The following SLC24A2 variants were observed in gnomAD, a reference collection of about 807,000 sequenced individuals.
SLC24A2 encodes the protein solute carrier family 24 member 2.
SLC24A2 carries 36 observed loss-of-function variants against 62.0 expected under a neutral mutation model. The observed-to-expected ratio is 0.58, with a 90% CI of 0.44 to 0.77. The LOEUF is 0.77. SLC24A2 is among the 30% of genes least tolerant of loss of function. The pLI, the probability that SLC24A2 is intolerant of heterozygous loss-of-function variation, is 0.00. For synonymous variants in SLC24A2, 358 were observed against 294.0 expected (o/e 1.22, Z -2.23); for missense variants, 846 against 817.9 (o/e 1.03, Z -0.42).
chr9:19,736,446 C>G (rs1471248516), intron 2 of SLC24A2, among the ~76,000 whole-genome samples: 2 of 152,042 alleles, frequency 1.3e-5, no homozygotes, highest in African/African-American at 2.4e-5. Flanking sequence ...GAAAATGTTG[C>G]AAGGATAGAA....
chr9:19,743,149 A>G (rs1269196350), intron 2 of SLC24A2, among the ~76,000 whole-genome samples: 1 of 152,198 alleles, frequency 6.6e-6, no homozygotes, highest in African/African-American at 2.4e-5. Context: ...TAAAAATTAA[A>G]AAGTAAAAAT....
At chr9:19,698,281 AC>A (rs1484907058) in intron 2 of SLC24A2, among the ~76,000 whole-genome samples, 2 of 142,770 alleles carry the variant, frequency 1.4e-5, no homozygotes, top group Non-Finnish European at 3.2e-5. Flanking sequence ...CAAAAAATTA[AC>A]AAAAATATTG....
chr9:19,584,857 A>G (rs1162574039), intron 5 of SLC24A2, among the ~76,000 whole-genome samples: 1 of 152,172 alleles, frequency 6.6e-6, no homozygotes, highest in Non-Finnish European at 1.5e-5. Flanking sequence ...GATGCAAACT[A>G]CTTATTACAG....
the SLC24A2 span, among the ~76,000 whole-genome samples, chr9:19,918,851 A>T: frequency 6.6e-6 from 1 of 152,282 alleles, no homozygotes; most frequent in Admixed American, 6.5e-5. Flanking sequence ...AAGAACTTCT[A>T]GGAAACCACC....
the SLC24A2 span, among the ~76,000 whole-genome samples, chr9:20,271,959 G>A: frequency 1.4e-5 from 2 of 144,332 alleles, no homozygotes; most frequent in Non-Finnish European, 3.0e-5. Context: ...CTGAGATGCT[G>A]CCCATCTGGA....
At chr9:20,051,657 C>CTCTCTTTTTTTT in the SLC24A2 span, among the ~76,000 whole-genome samples, 2 of 73,510 alleles carry the variant, frequency 2.7e-5, no homozygotes, top group East Asian at 3.6e-4. Flanking sequence ...TTTTCTTTCT[C>CTCTCTTTTTTTT]TTTTTTTTTT....
At chr9:19,893,857 G>A in the SLC24A2 span, among the ~76,000 whole-genome samples, 5 of 152,116 alleles carry the variant, frequency 3.3e-5, no homozygotes, top group Non-Finnish European at 2.9e-5. Context: ...TCTGCCATCC[G>A]CCACACAGGG....
chr9:20,023,984 G>C, the SLC24A2 span, among the ~76,000 whole-genome samples: 2 of 152,342 alleles, frequency 1.3e-5, no homozygotes, highest in South Asian at 2.1e-4. Context: ...AAAGAAGATA[G>C]AGCTGGTTAA....
chr9:20,020,332 C>A, the SLC24A2 span, among the ~76,000 whole-genome samples: 21 of 152,294 alleles, frequency 1.4e-4, no homozygotes, highest in African/African-American at 3.6e-4. Context: ...AAATGTCCAT[C>A]AATGATAGAC....
chr9:19,980,600 A>G, the SLC24A2 span, among the ~76,000 whole-genome samples: 1 of 152,208 alleles, frequency 6.6e-6, no homozygotes, highest in African/African-American at 2.4e-5. Flanking sequence ...GAGAATGTTT[A>G]ATATGAGGTG....
the SLC24A2 span, among the ~76,000 whole-genome samples, chr9:20,011,646 A>T: frequency 6.6e-6 from 1 of 152,346 alleles, no homozygotes; most frequent in Admixed American, 6.5e-5. Context: ...ATATTTAAGG[A>T]AGTAATGGCT....
the SLC24A2 span, among the ~76,000 whole-genome samples, chr9:20,095,811 C>G: frequency 6.6e-6 from 1 of 152,092 alleles, no homozygotes; most frequent in Middle Eastern, 3.4e-3. Context: ...CTGGGGAGGC[C>G]TCACAAGCAT....
the SLC24A2 span, among the ~76,000 whole-genome samples, chr9:20,143,010 C>G: frequency 6.6e-6 from 1 of 152,182 alleles, no homozygotes; most frequent in Non-Finnish European, 1.5e-5. Context: ...ACAGATATGA[C>G]TATACACATT....
the SLC24A2 span, among the ~76,000 whole-genome samples, chr9:20,164,859 T>C: frequency 6.6e-6 from 1 of 151,444 alleles, no homozygotes; most frequent in East Asian, 2.0e-4. Context: ...TTGGAAATCA[T>C]CATTCTCAGT....
chr9:19,996,745 CA>C, the SLC24A2 span, among the ~76,000 whole-genome samples: 20,441 of 66,778 alleles, frequency 0.31, 1,018 homozygotes, highest in East Asian at 0.43. Flanking sequence ...GACTCCGTCT[CA>C]AAAAAAAAAA....
chr9:19,823,629 A>AAAAAC, the SLC24A2 span, among the ~76,000 whole-genome samples: 477 of 150,296 alleles, frequency 3.2e-3, 4 homozygotes, highest in African/African-American at 0.01. Context: ...CTCAGTCTCA[A>AAAAAC]AAAACAAAAC....
chr9:19,802,671 A>T, the SLC24A2 span, among the ~76,000 whole-genome samples: 1 of 152,234 alleles, frequency 6.6e-6, no homozygotes, highest in Non-Finnish European at 1.5e-5. Context: ...AAAATGTTTA[A>T]AAGTTTTAAA....
chr9:20,007,056 C>T, the SLC24A2 span, among the ~76,000 whole-genome samples: 1 of 152,122 alleles, frequency 6.6e-6, no homozygotes, highest in Admixed American at 6.5e-5. Context: ...CTAGTAAAAT[C>T]CCAACTCTTA....
the SLC24A2 span, among the ~76,000 whole-genome samples, chr9:20,145,648 G>A: frequency 7.1e-6 from 1 of 140,756 alleles, no homozygotes; most frequent in Non-Finnish European, 1.6e-5. Context: ...CATATATACA[G>A]GAAGAGGCAA....
Sources: allele counts gnomAD v4.1 joint callset (sites outside exome capture counted in the v4.1 genomes callset), GRCh38; gene constraint gnomAD v4.1.1; transcripts MANE v1.5; gene names NCBI Gene and HGNC (gene_info 2026-07-23, HGNC 2026-07-21).